The following TMEM163 variants were observed in gnomAD, a reference collection of about 807,000 sequenced individuals.
TMEM163 encodes transmembrane protein 163.
In TMEM163, 17 loss-of-function variants were observed where a neutral mutation model predicts 29.3. The ratio of observed to expected loss-of-function variants is 0.58; its 90% CI spans 0.40 to 0.87. TMEM163 has a LOEUF of 0.87. TMEM163 is among the 40% of genes least tolerant of loss of function. The pLI is 0.00. For synonymous variants in TMEM163, 157 were observed against 160.6 expected (o/e 0.98, Z 0.17); for missense variants, 303 against 381.5 (o/e 0.79, Z 1.71).
In TMEM163 at chr2:134,651,495, G is replaced by A. The variant is rs1476186759; in HGVS notation, c.322+61705C>T. ...AAAATTTTCTCCCATTTTGTAGGTTGCCTGTTCACTCTGATGGTAGTTTCT... is the reference window on the plus strand; with the variant it reads ...AAAATTTTCTCCCATTTTGTAGGTTACCTGTTCACTCTGATGGTAGTTTCT... On this transcript the variant is annotated intron_variant, in intron 2 of 7. Coordinates refer to ENST00000281924, the MANE Select transcript of TMEM163 (RefSeq NM_030923.5). Among the ~76,000 whole-genome samples the A allele has an allele frequency of 3.4e-4, 37 of 110,176 alleles. 1 individual carries two copies. The highest frequency in any genetic ancestry group is 1.5e-3 in the African/African-American group (32 of 21,580). The allele number at this position is 110,176 out of a possible 152,430, so 72.3% of individuals were successfully genotyped here. A position where few individuals can be genotyped will look rare whatever the true frequency, so the allele number is the denominator to read the frequency against.
chr2:134,562,993 A>C (rs2104778823), intron 2 of TMEM163, among the ~76,000 whole-genome samples: 1 of 152,340 alleles, frequency 6.6e-6, no homozygotes, highest in Middle Eastern at 3.4e-3. Flanking sequence ...CTTTTCCACA[A>C]TTAGATGGCA....
At chr2:134,607,027 G>C (rs1682388944) in intron 2 of TMEM163, among the ~76,000 whole-genome samples, 1 of 142,754 alleles carries the variant, frequency 7.0e-6, no homozygotes, top group African/African-American at 2.7e-5. Flanking sequence ...CCCGAGAACT[G>C]TGCTGGTGAA....
intron 4 of TMEM163, among the ~76,000 whole-genome samples, chr2:134,544,215 G>A (rs1261938662): frequency 6.6e-6 from 1 of 152,116 alleles, no homozygotes; most frequent in Non-Finnish European, 1.5e-5. Flanking sequence ...GCCTTACACA[G>A]TACACAGGGC....
chr2:134,515,134 T>A (rs17788003), intron 4 of TMEM163, among the ~76,000 whole-genome samples: 1 of 152,232 alleles, frequency 6.6e-6, no homozygotes, highest in Non-Finnish European at 1.5e-5. Flanking sequence ...AGAAGTTGCC[T>A]GTCCGAATGA....
At chr2:134,600,999 T>A (rs1393345552) in intron 2 of TMEM163, among the ~76,000 whole-genome samples, 1 of 152,120 alleles carries the variant, frequency 6.6e-6, no homozygotes, top group Admixed American at 6.5e-5. Context: ...CCCTGGACAC[T>A]TTTGCCTTCA....
chr2:134,549,892 C>T (rs1286397421), intron 4 of TMEM163, among the ~76,000 whole-genome samples: 1 of 152,034 alleles, frequency 6.6e-6, no homozygotes, highest in Non-Finnish European at 1.5e-5. Context: ...TCATTGCAAT[C>T]ATCCTACGAA....
chr2:134,605,254 T>C (rs577908141), intron 2 of TMEM163, among the ~76,000 whole-genome samples: 60 of 151,688 alleles, frequency 4.0e-4, no homozygotes, highest in African/African-American at 1.4e-3. Flanking sequence ...TGATTGAGCA[T>C]AATCTTGGGC....
chr2:134,709,213 T>A, intron 2 of TMEM163, among the ~76,000 whole-genome samples: 1 of 152,186 alleles, frequency 6.6e-6, no homozygotes, highest in Non-Finnish European at 1.5e-5. Flanking sequence ...AGGATTGCCA[T>A]TTTCCATGCT....
intron 2 of TMEM163, among the ~76,000 whole-genome samples, chr2:134,699,297 A>C (rs530275531): frequency 6.6e-6 from 1 of 152,230 alleles, no homozygotes; most frequent in Non-Finnish European, 1.5e-5. Context: ...TGAGATCAGG[A>C]GTTCGAGACC....
chr2:134,516,860 A>G (rs1193527792), intron 4 of TMEM163, among the ~76,000 whole-genome samples: 2 of 150,796 alleles, frequency 1.3e-5, no homozygotes, highest in Admixed American at 1.3e-4. Context: ...ACGGCCAAGG[A>G]CCGCAAGACT....
intron 5 of TMEM163, among the ~76,000 whole-genome samples, chr2:134,502,407 G>C (rs1375975249): frequency 1.3e-5 from 2 of 152,212 alleles, no homozygotes; most frequent in African/African-American, 4.8e-5. Flanking sequence ...GGACAAAGCA[G>C]TCAAAGACAC....
intron 5 of TMEM163, among the ~76,000 whole-genome samples, chr2:134,498,106 C>T (rs1679613654): frequency 6.6e-6 from 1 of 152,214 alleles, no homozygotes; most frequent in South Asian, 2.1e-4. Context: ...GATGGAGGTG[C>T]CATCTCCATT....
chr2:134,717,487 T>C (rs1344971495), intron 1 of TMEM163, among the ~76,000 whole-genome samples: 3 of 152,222 alleles, frequency 2.0e-5, no homozygotes, highest in Non-Finnish European at 4.4e-5. Context: ...TTCCATGTCA[T>C]TTTATTTCAC....
chr2:134,520,250 C>T (rs934872095), intron 4 of TMEM163, among the ~76,000 whole-genome samples: 4 of 152,174 alleles, frequency 2.6e-5, no homozygotes, highest in Admixed American at 6.5e-5. Flanking sequence ...GCATAGACAC[C>T]TCTAATAAGG....
chr2:134,464,895 A>G (rs1686628517), intron 6 of TMEM163, among the ~76,000 whole-genome samples: 1 of 152,174 alleles, frequency 6.6e-6, no homozygotes. Flanking sequence ...CTCTGCACCC[A>G]GCAGGTCAAC....
chr2:134,634,645 A>C (rs890583523), intron 2 of TMEM163, among the ~76,000 whole-genome samples: 7 of 152,240 alleles, frequency 4.6e-5, no homozygotes, highest in African/African-American at 1.7e-4. Context: ...GTGGGATGAC[A>C]ATTTAACACA....
chr2:134,674,505 G>A (rs1472737445), intron 2 of TMEM163, among the ~76,000 whole-genome samples: 2 of 31,268 alleles, frequency 6.4e-5, no homozygotes, highest in African/African-American at 2.5e-4. Context: ...GCGCGCGCGC[G>A]CGCGCTACCA....
chr2:134,541,409 C>T (rs751615376), intron 4 of TMEM163, among the ~76,000 whole-genome samples: 2 of 152,220 alleles, frequency 1.3e-5, no homozygotes, highest in Middle Eastern at 3.2e-3. Flanking sequence ...TTTTGGAGCA[C>T]GGCTCGACAC....
At chr2:134,582,156 C>G (rs111908344) in intron 2 of TMEM163, among the ~76,000 whole-genome samples, 126 of 152,146 alleles carry the variant, frequency 8.3e-4, no homozygotes, top group African/African-American at 2.8e-3. Context: ...TGGGAAGATG[C>G]CTAATTAGAA....
Sources: allele counts gnomAD v4.1 joint callset (sites outside exome capture counted in the v4.1 genomes callset), GRCh38; gene constraint gnomAD v4.1.1; transcripts MANE v1.5; gene names NCBI Gene and HGNC (gene_info 2026-07-23, HGNC 2026-07-21).